Variants in UBAP1 observed in about 807,000 individuals in gnomAD.
UBAP1 encodes ubiquitin associated protein 1, also known as ubiquitin-associated protein 1.
In UBAP1, 5 loss-of-function variants were observed where a neutral mutation model predicts 39.0. The ratio of observed to expected loss-of-function variants is 0.13; its 90% CI spans 0.07 to 0.27. The LOEUF (loss-of-function observed/expected upper bound fraction) is 0.27, where lower values mean the gene tolerates loss of function less well. Ranked by LOEUF, UBAP1 falls within the 10% of genes least tolerant of loss-of-function variation. The pLI, the probability that UBAP1 is intolerant of heterozygous loss-of-function variation, is 1.00. For synonymous variants in UBAP1, 211 were observed against 225.1 expected (o/e 0.94, Z 0.56); for missense variants, 490 against 608.1 (o/e 0.81, Z 2.04).
Position 34,250,709 on chromosome 9 carries a change from CCT to C in UBAP1, c.1321_1322del (p.Leu441PhefsTer27). 1 of 1,613,746 alleles carries C rather than the reference CCT, an allele frequency of 6.2e-7. No individual in the cohort carries two copies. Among genetic ancestry groups the C allele is most frequent in the South Asian group, 1.1e-5 (1 of 91,064 alleles). Reference protein sequence around the residue: ...HGQLCEKGFDPLLVEEALEMH... With the variant: ...HGQLCEKGFDXLLVEEALEMH... Reference sequence around the variant, plus strand: ...ACAGCTTTGTGAGAAGGGCTTCGACCCTCTTTTAGTGGAAGAGGCTCTGGAAA... The same window carrying C: ...ACAGCTTTGTGAGAAGGGCTTCGACCCTTTTAGTGGAAGAGGCTCTGGAAA... On this transcript the variant is annotated frameshift_variant, in exon 6 of 7. Transcript: ENST00000297661. LOFTEE classifies it high-confidence loss of function.
chr9:34,188,291 A>G (rs1226377186), intron 1 of UBAP1, among the ~76,000 whole-genome samples: 5 of 152,180 alleles, frequency 3.3e-5, no homozygotes, highest in African/African-American at 1.2e-4. Context: ...TTATGTAACT[A>G]CCATAGTTTA....
intron 2 of UBAP1, 133 bp downstream of exon 2, chr9:34,221,081 C>A: frequency 1.3e-6 from 1 of 751,294 alleles, no homozygotes; most frequent in Non-Finnish European, 2.2e-6. Flanking sequence ...TAAAGTTGTA[C>A]AACAATGTAT....
chr9:34,241,580 A>G lies in UBAP1; in HGVS notation c.555A>G (p.Val185=), dbSNP rs1047764232. 3 of 1,614,094 alleles carry G rather than the reference A, an allele frequency of 1.9e-6. No homozygotes were observed. Among genetic ancestry groups the G allele is most frequent in the South Asian group, 1.1e-5 (1 of 91,090 alleles). Residue 185 remains valine, a synonymous_variant, in exon 4 of 7, where the codon GTA becomes GTG. Transcript: ENST00000297661. ...DEKEELRNIL[V]GTTGPIMAQL... is the part of the protein sequence containing the mutation. The stretch of plus-strand genomic sequence containing the variant: ...AGGAAGAGCTGAGAAATATTCTGGT[A>G]GGAACCACTGGACCCATTATGGCTC...
intron 1 of UBAP1, 141 bp downstream of exon 1, chr9:34,179,381 C>T (rs1429717224): frequency 3.3e-6 from 2 of 602,672 alleles, no homozygotes; most frequent in Non-Finnish European, 4.8e-6. Flanking sequence ...GGAAAAGTGG[C>T]CGGAGATCCG....
intron 1 of UBAP1, among the ~76,000 whole-genome samples, chr9:34,215,582 C>T (rs901037866): frequency 6.6e-6 from 1 of 151,814 alleles, no homozygotes; most frequent in Non-Finnish European, 1.5e-5. Context: ...TAGGGTGCAG[C>T]GTATACTGCT....
At chr9:34,187,213 G>T (rs996365167) in intron 1 of UBAP1, among the ~76,000 whole-genome samples, 1 of 152,120 alleles carries the variant, frequency 6.6e-6, no homozygotes, top group Non-Finnish European at 1.5e-5. Flanking sequence ...CGGCTGGTTT[G>T]TGCTTGTTGT....
chr9:34,228,113 A>G (rs1350551305), intron 2 of UBAP1, among the ~76,000 whole-genome samples: 5 of 148,176 alleles, frequency 3.4e-5, no homozygotes, highest in Non-Finnish European at 6.0e-5. Context: ...TGGGTGAGAG[A>G]GCAAGACCCT....
rs577511705 is a variant in UBAP1 at position 34,185,431 on chromosome 9, C to T, written c.-8+6191C>T. The stretch of plus-strand genomic sequence containing the variant: ...GGGATTGGTGGTTCATGCCTGTAGT[C>T]CCAGGTACACGAGAGGCTGAGGTAG... On this transcript the variant is annotated intron_variant, in intron 1 of 6. Coordinates refer to ENST00000297661, the MANE Select transcript of UBAP1 (RefSeq NM_016525.5). 3.9e-4 allele frequency among the ~76,000 whole-genome samples: 59 copies of T among 152,264 alleles called. 1 individual carries two copies. The highest frequency in any genetic ancestry group is 1.3e-3 in the African/African-American group (52 of 41,566).
At chr9:34,233,307 C>T (rs939588594) in intron 2 of UBAP1, among the ~76,000 whole-genome samples, 4 of 151,366 alleles carry the variant, frequency 2.6e-5, no homozygotes, top group African/African-American at 4.9e-5. Flanking sequence ...CTGCAACCTC[C>T]GTCTCCTGGG....
chr9:34,217,688 A>T (rs1474791467), intron 1 of UBAP1, among the ~76,000 whole-genome samples: 2 of 149,640 alleles, frequency 1.3e-5, no homozygotes, highest in Non-Finnish European at 3.0e-5. Flanking sequence ...TATGAGTAAG[A>T]TCATACAAAA....
intron 3 of UBAP1, 35 bp from the exon 4 acceptor site, chr9:34,241,150 G>A: frequency 1.4e-6 from 2 of 1,390,136 alleles, no homozygotes; most frequent in Non-Finnish European, 1.9e-6. Context: ...TGGCCACCTG[G>A]GTTCACACCC....
At chr9:34,242,236 G>A (rs1833999015) in intron 4 of UBAP1, 128 bp downstream of exon 4, 2 of 1,017,710 alleles carry the variant, frequency 2.0e-6, no homozygotes, top group Non-Finnish European at 2.9e-6. Context: ...GAATGCAGTG[G>A]TGTGATCGTA....
chr9:34,251,626 ATT>A lies in UBAP1; in HGVS notation c.*97_*98del. ...GGGAAAGAGAAGGGGCAGCTTCCGG[ATT>A]TTCTTTTGGGGGTTAGAAGGTCAGG... is the stretch of plus-strand genomic sequence containing the variant. On this transcript the variant is annotated 3_prime_UTR_variant, in exon 7 of 7. Transcript: ENST00000297661. The A allele has an allele frequency of 7.0e-7, 1 of 1,432,848 alleles. No homozygotes were observed. Among genetic ancestry groups the A allele is most frequent in the Non-Finnish European group, 9.3e-7 (1 of 1,072,438 alleles). 88.8% of individuals were successfully genotyped at this position (1,432,848 alleles called of 1,614,324 possible).
intron 1 of UBAP1, among the ~76,000 whole-genome samples, chr9:34,182,681 T>TTCTTTCTCTCTCTC (rs1491429494): frequency 8.0e-4 from 93 of 115,568 alleles, no homozygotes; most frequent in Middle Eastern, 4.1e-3. Flanking sequence ...CTTTCTTTCT[T>TTCTTTCTCTCTCTC]TCTCTCTCTC....
intron 1 of UBAP1, among the ~76,000 whole-genome samples, chr9:34,197,935 C>A (rs1831156648): frequency 6.6e-6 from 1 of 152,212 alleles, no homozygotes. Flanking sequence ...TTTACCAATT[C>A]ATTTCTGTGA....
chr9:34,236,173 T>G (rs187883812), intron 3 of UBAP1, among the ~76,000 whole-genome samples: 2 of 152,278 alleles, frequency 1.3e-5, no homozygotes, highest in Admixed American at 1.3e-4. Context: ...TTTTAATCTT[T>G]TATACCATAT....
At chr9:34,196,491 A>G (rs747301209) in intron 1 of UBAP1, among the ~76,000 whole-genome samples, 75 of 151,410 alleles carry the variant, frequency 5.0e-4, no homozygotes, top group Non-Finnish European at 1.0e-3. Context: ...AATTTTTTGT[A>G]TTTTTAGTAG....
intron 4 of UBAP1, 136 bp from the exon 5 acceptor site, chr9:34,249,643 G>A (rs1200372103): frequency 5.2e-5 from 40 of 776,270 alleles, no homozygotes; most frequent in Non-Finnish European, 8.0e-5. Context: ...CCAGCAACCT[G>A]GCGATTTCTT....
intron 1 of UBAP1, among the ~76,000 whole-genome samples, chr9:34,179,534 G>C (rs1197154501): frequency 1.3e-5 from 2 of 152,062 alleles, no homozygotes; most frequent in African/African-American, 4.8e-5. Flanking sequence ...GACATCTATC[G>C]GGCTGGACTG....
Sources: allele counts gnomAD v4.1 joint callset (sites outside exome capture counted in the v4.1 genomes callset), GRCh38; gene constraint gnomAD v4.1.1; transcripts MANE v1.5; gene names NCBI Gene and HGNC (gene_info 2026-07-23, HGNC 2026-07-21).